Variants in USP22 observed in about 807,000 individuals in gnomAD.
The protein encoded by USP22 is ubiquitin carboxyl-terminal hydrolase 22.
A neutral mutation model predicts 68.1 loss-of-function variants in USP22; 22 were observed. The observed-to-expected ratio is 0.32, with a 90% CI of 0.23 to 0.46. The LOEUF (loss-of-function observed/expected upper bound fraction) is 0.46, where lower values mean the gene tolerates loss of function less well. Among genes scored for constraint, USP22 ranks in the 20% least tolerant of loss-of-function variants. The pLI, the probability that USP22 is intolerant of heterozygous loss-of-function variation, is 1.00. For synonymous variants in USP22, 279 were observed against 274.2 expected, an observed-to-expected ratio of 1.02 and a Z score of -0.17; for missense variants, 433 against 695.8, an observed-to-expected ratio of 0.62 and a Z score of 4.25.
At chr17:21,040,414 AGG>A (rs1246508796) in intron 1 of USP22, among the ~76,000 whole-genome samples, 74 of 152,344 alleles carry the variant, frequency 4.9e-4, no homozygotes, top group Non-Finnish European at 4.9e-4. Context: ...GGAGGGCTTA[AGG>A]GCTCCTTGCT....
intron 2 of USP22, 103 bp from the exon 3 acceptor site, chr17:21,021,329 G>C: frequency 1.4e-6 from 1 of 739,308 alleles, no homozygotes; most frequent in Non-Finnish European, 2.4e-6. Flanking sequence ...GATACTGACT[G>C]TTCACAGCAC....
rs902620873 is a variant in USP22, at chr17:21,001,783, T to A, written c.*1248A>T. The A allele has an allele frequency of 1.3e-5, 2 of 152,202 alleles. No individual in the cohort carries two copies. Among genetic ancestry groups the A allele is most frequent in the African/African-American group, 2.4e-5 (1 of 41,442 alleles). 9.4% of individuals were successfully genotyped at this position (152,202 alleles called of 1,614,324 possible). On this transcript the variant is annotated 3_prime_UTR_variant, in exon 13 of 13. Coordinates refer to ENST00000261497, the MANE Select transcript of USP22 (RefSeq NM_015276.2). ...TTGTCCCTAGTTTCTAATTTCTCAG[T>A]GGACAAATGGACAAACCATCTCTGT...
At chr17:21,039,930 C>G (rs983109240) in intron 1 of USP22, among the ~76,000 whole-genome samples, 8 of 152,154 alleles carry the variant, frequency 5.3e-5, no homozygotes, top group Non-Finnish European at 1.2e-4. Context: ...TATGGCTGGG[C>G]TCAGTGGCTC....
intron 8 of USP22, among the ~76,000 whole-genome samples, chr17:21,008,437 A>C (rs139724717): frequency 3.5e-4 from 52 of 149,726 alleles, no homozygotes; most frequent in African/African-American, 1.3e-3. Flanking sequence ...AGCAGCAAAA[A>C]AGGAAGGAAC....
At position 21,042,917 on chromosome 17, in the gene USP22, CGGCTGGCCA is replaced by C. The variant is rs1048776231; in HGVS notation, c.-91_-83del. The stretch of plus-strand genomic sequence containing the variant: ...CCAGCGCGGCGTGGGGGCTGCTCGG[CGGCTGGCCA>C]GGCTGGCCAAGGCCCGGGCGCCGAG... On this transcript the variant is annotated 5_prime_UTR_variant, in exon 1 of 13. Transcript: ENST00000261497. 310 of 1,003,674 alleles carry C rather than the reference CGGCTGGCCA, an allele frequency of 3.1e-4. 1 individual carries two copies. The highest frequency in any genetic ancestry group is 3.6e-4 in the Non-Finnish European group (287 of 788,918). The allele number at this position is 1,003,674 out of a possible 1,614,324, so 62.2% of individuals were successfully genotyped here.
chr17:21,029,585 G>A (rs140510204), intron 1 of USP22, among the ~76,000 whole-genome samples: 3 of 152,260 alleles, frequency 2.0e-5, no homozygotes, highest in African/African-American at 7.2e-5. Flanking sequence ...GAACCACTGG[G>A]TAAAAAAATA....
intron 8 of USP22, among the ~76,000 whole-genome samples, chr17:21,010,381 A>AT (rs907069941): frequency 5.3e-5 from 8 of 151,932 alleles, no homozygotes; most frequent in East Asian, 3.9e-4. Flanking sequence ...ACTTAAATAC[A>AT]TTTTTTTTTA....
At chr17:21,017,771 T>A (rs1380181745) in intron 5 of USP22, among the ~76,000 whole-genome samples, 171 bp downstream of exon 5, 2 of 152,256 alleles carry the variant, frequency 1.3e-5, no homozygotes, top group Non-Finnish European at 2.9e-5. Flanking sequence ...ACGCCAGGTC[T>A]TCCCTTTTTG....
Position 21,021,221 on chromosome 17 carries a change from C to A in USP22, c.310G>T (p.Asp104Tyr). 1 of 1,605,142 alleles carries A rather than the reference C, an allele frequency of 6.2e-7. No homozygotes were observed. Among genetic ancestry groups the A allele is most frequent in the South Asian group, 1.1e-5 (1 of 90,826 alleles). Residue 104 changes from aspartate to tyrosine, a missense_variant, in exon 3 of 13, where the codon GAT (aspartate) becomes TAT (tyrosine). Coordinates refer to ENST00000261497, the MANE Select transcript of USP22 (RefSeq NM_015276.2). ...CAGTAGATGCCTCCGTACATCAGAT[C>A]AATGGCTGAGGAGAGAAAGGAGGGA... Reference protein sequence around the residue: ...AKAKRHNLAIDLMYGGIYCFL... With the variant: ...AKAKRHNLAIYLMYGGIYCFL...
chr17:21,021,777 C>T (rs2143587715), intron 2 of USP22, among the ~76,000 whole-genome samples: 1 of 152,260 alleles, frequency 6.6e-6, no homozygotes, highest in East Asian at 1.9e-4. Flanking sequence ...GGTCTTCTAC[C>T]ACAATTTCTC....
chr17:21,009,972 T>TA lies in USP22; in HGVS notation c.1103+1178dup, dbSNP rs1555589967. On this transcript the variant is annotated intron_variant, in intron 8 of 12. Transcript: ENST00000261497. ...AGACTCCGTCTCAAAAAAAAAAAAT[T>TA]AAAAAAAAAAAAATCACAAAATCAG... Among the ~76,000 whole-genome samples, 366 of 142,488 alleles carry TA rather than the reference T, an allele frequency of 2.6e-3. 2 individuals are homozygous for TA. The highest frequency in any genetic ancestry group is 3.2e-3 in the African/African-American group (122 of 38,272). 93.5% of individuals were successfully genotyped at this position (142,488 alleles called of 152,430 possible).
At chr17:21,017,635 G>A (rs1425129830) in intron 5 of USP22, among the ~76,000 whole-genome samples, 1 of 152,202 alleles carries the variant, frequency 6.6e-6, no homozygotes, top group African/African-American at 2.4e-5. Context: ...GGTAGACCAT[G>A]GAGGAAGAGG....
intron 3 of USP22, among the ~76,000 whole-genome samples, chr17:21,020,151 ATCAGATGC>A (rs1478141998): frequency 1.3e-5 from 2 of 149,720 alleles, no homozygotes; most frequent in Non-Finnish European, 3.0e-5. Context: ...TACCAGGGAG[ATCAGATGC>A]TCACCTGTCA....
Position 21,019,163 on chromosome 17 carries a change from A to T in USP22, c.441T>A (p.Thr147=). Residue 147 remains threonine, a synonymous_variant, in exon 4 of 13, where the codon ACT becomes ACA. Coordinates refer to ENST00000261497, the MANE Select transcript of USP22 (RefSeq NM_015276.2). ...KMQGVGEKFS[T]WEPTKRELEL... ...CAAGCTCCCGTTTGGTTGGTTCCCA[A>T]GTTGAAAACTTCTCTCCAACGCCTA... 6.2e-7 allele frequency: 1 copy of T among 1,614,138 alleles called. No individual in the cohort carries two copies.
intron 1 of USP22, among the ~76,000 whole-genome samples, chr17:21,032,867 G>A (rs774448600): frequency 7.2e-6 from 1 of 139,104 alleles, no homozygotes; most frequent in Non-Finnish European, 1.5e-5. Context: ...AGGCTGCAGT[G>A]AGCCAAGATC....
chr17:21,009,437 G>C (rs969225113), intron 8 of USP22, among the ~76,000 whole-genome samples: 1 of 146,630 alleles, frequency 6.8e-6, no homozygotes, highest in Non-Finnish European at 1.5e-5. Flanking sequence ...ACTCGAAAAG[G>C]AGCCTTTGCT....
At chr17:21,022,131 G>C (rs1395364443) in intron 2 of USP22, among the ~76,000 whole-genome samples, 1 of 151,988 alleles carries the variant, frequency 6.6e-6, no homozygotes, top group Non-Finnish European at 1.5e-5. Flanking sequence ...AAAAATTATA[G>C]TAATACTAGT....
Position 21,003,078 on chromosome 17 carries a change from G to C in USP22, c.1536-5C>G. On this transcript the variant is annotated splice_region_variant and splice_polypyrimidine_tract_variant and intron_variant, in intron 12 of 12. Transcript: ENST00000261497. ...TTGTGATAGAACAGCAAGTACCTGT[G>C]GAGGCAGAGAGAGGGAGGAGGCTCA... The C allele has an allele frequency of 6.2e-7, 1 of 1,613,942 alleles. No homozygotes were observed. The highest frequency in any genetic ancestry group is 8.5e-7 in the Non-Finnish European group (1 of 1,179,920).
chr17:21,002,566 A>G lies in USP22; in HGVS notation c.*465T>C, dbSNP rs182117610. On this transcript the variant is annotated 3_prime_UTR_variant, in exon 13 of 13. Coordinates refer to ENST00000261497, the MANE Select transcript of USP22 (RefSeq NM_015276.2). ...TCCATACTCTCCGTATTTTAACACT[A>G]AAACACCAACAGAAAGGCATCTGCA... 9.1e-5 allele frequency: 15 copies of G among 165,176 alleles called. No homozygotes were observed. The highest frequency in any genetic ancestry group is 7.0e-4 in the Admixed American group (12 of 17,076). 10.2% of individuals were successfully genotyped at this position (165,176 alleles called of 1,614,324 possible). A position where few individuals can be genotyped will look rare whatever the true frequency, so the allele number is the denominator to read the frequency against.
Sources: allele counts gnomAD v4.1 joint callset (sites outside exome capture counted in the v4.1 genomes callset), GRCh38; gene constraint gnomAD v4.1.1; transcripts MANE v1.5; gene names NCBI Gene and HGNC (gene_info 2026-07-23, HGNC 2026-07-21).